CPEB1: variants seen among roughly 807,000 people sequenced by gnomAD.
The protein encoded by CPEB1 is cytoplasmic polyadenylation element-binding protein 1.
Under a neutral mutation model 65.8 loss-of-function variants are expected in CPEB1, and 7 were observed. That is an observed-to-expected ratio of 0.11 (90% CI 0.06 to 0.20). The LOEUF is 0.20. Ranked by LOEUF, CPEB1 falls within the 10% of genes least tolerant of loss-of-function variation. The probability of loss-of-function intolerance (pLI) is 1.00; values close to 1 mark genes in which losing one functional copy is unlikely to be tolerated. For synonymous variants in CPEB1, 262 were observed against 260.0 expected (o/e 1.01, Z -0.08); for missense variants, 551 against 712.2 (o/e 0.77, Z 2.58).
At chr15:82,600,416 A>G in intron 3 of CPEB1, among the ~76,000 whole-genome samples, 1 of 152,202 alleles carries the variant, frequency 6.6e-6, no homozygotes, top group Non-Finnish European at 1.5e-5. Flanking sequence ...CTCCTTGAGC[A>G]GAAGGAAAGT....
At chr15:82,573,030 G>A (rs1428713146) in intron 3 of CPEB1, 3 of 1,533,930 alleles carry the variant, frequency 2.0e-6, no homozygotes, top group African/African-American at 2.7e-5. Context: ...TCAGCTGGTA[G>A]CACTCCACCT....
At chr15:82,550,455 A>T (rs930287633) in intron 9 of CPEB1, among the ~76,000 whole-genome samples, 1 of 152,214 alleles carries the variant, frequency 6.6e-6, no homozygotes, top group African/African-American at 2.4e-5. Flanking sequence ...GCCAAGACCA[A>T]AGAGATTCTT....
At chr15:82,635,678 C>T (rs879394339) in intron 1 of CPEB1, among the ~76,000 whole-genome samples, 17 of 143,570 alleles carry the variant, frequency 1.2e-4, no homozygotes, top group Non-Finnish European at 2.5e-4. Flanking sequence ...TACTCCTTGC[C>T]CTCAGGAGAA....
chr15:82,602,542 A>G (rs189227545), intron 3 of CPEB1, among the ~76,000 whole-genome samples: 1,907 of 152,268 alleles, frequency 0.013, 20 homozygotes, highest in Admixed American at 0.022. Context: ...TCCTGCATCC[A>G]GAAATATATG....
chr15:82,571,542 A>G lies in CPEB1; in HGVS notation c.272-10T>C, dbSNP rs779705213. The G allele has an allele frequency of 1.6e-5, 25 of 1,611,802 alleles. No individual in the cohort carries two copies. The highest frequency in any genetic ancestry group is 1.6e-4 in the Middle Eastern group (1 of 6,072). ...TCAGAGTCCTGGAAGTCTGTTTTGG[A>G]AAGGAGCACAGCAGAAACCTCAGAG... On this transcript the variant is annotated splice_polypyrimidine_tract_variant and intron_variant, in intron 3 of 12. Transcript: ENST00000684509.
At chr15:82,570,383 C>T (rs1015903689) in intron 4 of CPEB1, among the ~76,000 whole-genome samples, 6 of 147,056 alleles carry the variant, frequency 4.1e-5, no homozygotes, top group South Asian at 4.6e-4. Flanking sequence ...ACCACCCCCT[C>T]CCCCCCGCCC....
intron 3 of CPEB1, among the ~76,000 whole-genome samples, chr15:82,583,069 G>A (rs2151108315): frequency 6.6e-6 from 1 of 152,118 alleles, no homozygotes; most frequent in East Asian, 1.9e-4. Context: ...TCCACAATCT[G>A]CTACTTATTC....
At chr15:82,557,072 T>C (rs2037333490) in intron 5 of CPEB1, among the ~76,000 whole-genome samples, 1 of 152,238 alleles carries the variant, frequency 6.6e-6, no homozygotes, top group East Asian at 1.9e-4. Context: ...CCCACCTGTA[T>C]TTACTTCTAC....
At chr15:82,618,413 G>C (rs1157275497) in intron 3 of CPEB1, among the ~76,000 whole-genome samples, 2 of 152,142 alleles carry the variant, frequency 1.3e-5, no homozygotes, top group Non-Finnish European at 2.9e-5. Flanking sequence ...ATATGAGACA[G>C]AATATGTATA....
intron 5 of CPEB1, 114 bp from the exon 6 acceptor site, chr15:82,556,236 T>C: frequency 8.2e-7 from 1 of 1,225,146 alleles, no homozygotes; most frequent in Non-Finnish European, 1.1e-6. Flanking sequence ...TTGATATATA[T>C]TCTTTTAGAC....
intron 3 of CPEB1, among the ~76,000 whole-genome samples, chr15:82,605,670 T>C (rs111414948): frequency 6.6e-5 from 10 of 152,188 alleles, no homozygotes; most frequent in Admixed American, 2.0e-4. Flanking sequence ...GTCAATTATA[T>C]CTTAAAGCTA....
chr15:82,619,025 G>A (rs2045038259), intron 3 of CPEB1, among the ~76,000 whole-genome samples: 1 of 152,082 alleles, frequency 6.6e-6, no homozygotes, highest in Non-Finnish European at 1.5e-5. Flanking sequence ...AATCCAAAAA[G>A]ACAAAGTTGA....
chr15:82,571,244 A>G, intron 4 of CPEB1, 100 bp downstream of exon 4: 1 of 1,422,884 alleles, frequency 7.0e-7, no homozygotes, highest in Non-Finnish European at 9.4e-7. Flanking sequence ...TATGGTGGGG[A>G]GTGATGCAAA....
chr15:82,618,503 T>A (rs1208834205), intron 3 of CPEB1, among the ~76,000 whole-genome samples: 3 of 152,168 alleles, frequency 2.0e-5, no homozygotes, highest in African/African-American at 7.2e-5. Context: ...AATCTCTCCA[T>A]ATATCCTCTA....
intron 3 of CPEB1, among the ~76,000 whole-genome samples, chr15:82,588,626 G>A (rs1429805208): frequency 6.6e-6 from 1 of 152,066 alleles, no homozygotes; most frequent in African/African-American, 2.4e-5. Context: ...TACAAATAAG[G>A]CAATGAACAT....
At chr15:82,602,192 T>C (rs2043177589) in intron 3 of CPEB1, among the ~76,000 whole-genome samples, 2 of 152,096 alleles carry the variant, frequency 1.3e-5, no homozygotes. Flanking sequence ...AGATAAAAAT[T>C]CATAACAAAA....
chr15:82,641,249 CAAA>C (rs2047088326), intron 1 of CPEB1, among the ~76,000 whole-genome samples: 1 of 151,756 alleles, frequency 6.6e-6, no homozygotes, highest in Non-Finnish European at 1.5e-5. Context: ...AAAACAAAAA[CAAA>C]AACAAAAAGC....
At chr15:82,621,289 G>T (rs1174283433) in intron 3 of CPEB1, among the ~76,000 whole-genome samples, 1 of 150,432 alleles carries the variant, frequency 6.6e-6, no homozygotes, top group East Asian at 2.0e-4. Context: ...TCTGAGACCA[G>T]CCTGGGCAAC....
At chr15:82,594,679 C>CT (rs2042539725) in intron 3 of CPEB1, among the ~76,000 whole-genome samples, 1 of 152,192 alleles carries the variant, frequency 6.6e-6, no homozygotes, top group Non-Finnish European at 1.5e-5. Context: ...AACAAGAGGC[C>CT]TAACTTTCGG....
Sources: allele counts gnomAD v4.1 joint callset (sites outside exome capture counted in the v4.1 genomes callset), GRCh38; gene constraint gnomAD v4.1.1; transcripts MANE v1.5; gene names NCBI Gene and HGNC (gene_info 2026-07-23, HGNC 2026-07-21).